TRDN: variants seen among roughly 807,000 people sequenced by gnomAD.
TRDN encodes triadin in skeletal muscle.
Under a neutral mutation model 149.7 loss-of-function variants are expected in TRDN, and 161 were observed. The ratio of observed to expected loss-of-function variants is 1.08; its 90% CI spans 0.95 to 1.23. The LOEUF (loss-of-function observed/expected upper bound fraction) is 1.23. Ranked by LOEUF, TRDN falls within the 50% of genes most tolerant of loss-of-function variation. TRDN has a pLI of 0.00. For missense variants in TRDN, 896 were observed against 823.5 expected (o/e 1.09, Z -1.08); for synonymous variants, 294 against 250.5 (o/e 1.17, Z -1.64).
chr6:123,282,876 A>G (rs1370790781), intron 24 of TRDN, among the ~76,000 whole-genome samples: 1 of 151,922 alleles, frequency 6.6e-6, no homozygotes, highest in African/African-American at 2.4e-5. Context: ...ACACATATAA[A>G]GATCTTCACT....
intron 24 of TRDN, among the ~76,000 whole-genome samples, chr6:123,279,440 T>C (rs1777501836): frequency 6.6e-6 from 1 of 152,120 alleles, no homozygotes; most frequent in Admixed American, 6.6e-5. Flanking sequence ...CTGTGGGCCA[T>C]TTTGTCAGCC....
At chr6:123,611,246 A>G (rs1304973493) in intron 1 of TRDN, among the ~76,000 whole-genome samples, 1 of 152,220 alleles carries the variant, frequency 6.6e-6, no homozygotes, top group Non-Finnish European at 1.5e-5. Context: ...TAAATCTGAT[A>G]AATGCAAATG....
intron 30 of TRDN, among the ~76,000 whole-genome samples, chr6:123,270,396 T>C (rs1777166848): frequency 6.6e-6 from 1 of 151,936 alleles, no homozygotes; most frequent in Non-Finnish European, 1.5e-5. Flanking sequence ...TAAATCCTTA[T>C]TATCTGATTA....
intron 19 of TRDN, among the ~76,000 whole-genome samples, chr6:123,368,165 G>T (rs150297503): frequency 2.0e-5 from 3 of 152,136 alleles, no homozygotes; most frequent in Non-Finnish European, 4.4e-5. Flanking sequence ...ATACCAAGGT[G>T]TATAGAAGTA....
At chr6:123,574,412 G>T (rs1271093653) in intron 1 of TRDN, among the ~76,000 whole-genome samples, 2 of 151,914 alleles carry the variant, frequency 1.3e-5, no homozygotes, top group Admixed American at 1.3e-4. Context: ...TCTTCTCATT[G>T]ATTATTGTGC....
intron 1 of TRDN, among the ~76,000 whole-genome samples, chr6:123,577,613 T>C (rs553239534): frequency 6.6e-6 from 1 of 152,256 alleles, no homozygotes; most frequent in South Asian, 2.1e-4. Flanking sequence ...TTTGCATGCA[T>C]GTGTCTTTAA....
rs148700952 is a variant in TRDN, at chr6:123,413,785, T to C, written c.1052-20108A>G. Among the ~76,000 whole-genome samples the C allele has an allele frequency of 7.6e-3, 1,163 of 152,202 alleles. 8 individuals are homozygous for C. Among genetic ancestry groups the C allele is most frequent in the Non-Finnish European group, 0.011 (733 of 67,960 alleles). On this transcript the variant is annotated intron_variant, in intron 12 of 40. Transcript: ENST00000334268. ...ATTATAACAGACATGTCAAAAACCA[T>C]TGACAAATCATGAATAGGCTTCTTA...
At chr6:123,219,068 T>C (rs938514634) in intron 40 of TRDN, among the ~76,000 whole-genome samples, 4 of 151,948 alleles carry the variant, frequency 2.6e-5, no homozygotes. Context: ...TAGACATCTG[T>C]TGATGTGCAT....
intron 19 of TRDN, among the ~76,000 whole-genome samples, chr6:123,372,275 T>C (rs1188892575): frequency 1.3e-5 from 2 of 152,172 alleles, no homozygotes; most frequent in Non-Finnish European, 2.9e-5. Context: ...AAATTCTGCA[T>C]ACAGATGTCT....
intron 12 of TRDN, among the ~76,000 whole-genome samples, chr6:123,419,899 C>T (rs1773824387): frequency 6.6e-6 from 1 of 152,156 alleles, no homozygotes. Flanking sequence ...CCTACATCAG[C>T]AGTAGAAATT....
intron 4 of TRDN, among the ~76,000 whole-genome samples, chr6:123,542,136 T>C (rs1414618493): frequency 6.6e-6 from 1 of 152,194 alleles, no homozygotes; most frequent in African/African-American, 2.4e-5. Flanking sequence ...ATAGGGGGAA[T>C]TGTAATTTGT....
At chr6:123,499,865 G>A (rs1042557352) in intron 8 of TRDN, among the ~76,000 whole-genome samples, 6 of 150,252 alleles carry the variant, frequency 4.0e-5, no homozygotes, top group African/African-American at 1.5e-4. Context: ...ACATTAGGTA[G>A]TATTGGTAAT....
rs73770167 is a variant in TRDN, at chr6:123,548,774, C to T, written c.233-162G>A. On this transcript the variant is annotated intron_variant, in intron 2 of 40. Coordinates refer to ENST00000334268, the MANE Select transcript of TRDN (RefSeq NM_006073.4). ...ACAATTTTTTGCGCAGAAATAGAAA[C>T]TTCATCTTGCTATAATATGCATGCA... Among the ~76,000 whole-genome samples the T allele has an allele frequency of 3.0e-3, 456 of 152,002 alleles. 1 individual carries two copies. Among genetic ancestry groups the T allele is most frequent in the African/African-American group, 0.011 (445 of 41,498 alleles).
At chr6:123,388,582 T>A in intron 13 of TRDN, 31 bp from the exon 14 acceptor site, 1 of 1,571,688 alleles carries the variant, frequency 6.4e-7, no homozygotes, top group Non-Finnish European at 8.6e-7. Flanking sequence ...TTAAGGCATA[T>A]GAAATGACCA....
At chr6:123,392,352 AAC>A (rs1234212406) in intron 13 of TRDN, among the ~76,000 whole-genome samples, 2 of 151,982 alleles carry the variant, frequency 1.3e-5, no homozygotes, top group East Asian at 1.9e-4. Flanking sequence ...TGAAGTAACT[AAC>A]ACAAAATTCT....
chr6:123,416,482 G>A (rs954438391), intron 12 of TRDN, among the ~76,000 whole-genome samples: 1 of 152,096 alleles, frequency 6.6e-6, no homozygotes, highest in African/African-American at 2.4e-5. Context: ...CCAAGTCTCT[G>A]TTCAGATAGC....
chr6:123,375,360 A>T (rs1477249666), intron 19 of TRDN, among the ~76,000 whole-genome samples: 1 of 152,140 alleles, frequency 6.6e-6, no homozygotes, highest in African/African-American at 2.4e-5. Flanking sequence ...TAAAAATGTA[A>T]CACTTCACAA....
intron 1 of TRDN, among the ~76,000 whole-genome samples, chr6:123,582,619 C>T (rs1443326942): frequency 6.6e-6 from 1 of 152,010 alleles, no homozygotes; most frequent in Non-Finnish European, 1.5e-5. Context: ...CAGGAACAGG[C>T]CATTTTCACT....
chr6:123,316,486 G>A lies in TRDN; in HGVS notation c.1481C>T (p.Thr494Ile). Reference protein sequence around the residue: ...PASLKEKEPETKKDEKMSKAG... With the variant: ...PASLKEKEPEIKKDEKMSKAG... ...TTTGGACATCTTTTCATCTTTTTTA[G>A]TTTCAGGTTCTGGGGCAAAACGTAC... is the stretch of plus-strand genomic sequence containing the variant. Residue 494 changes from threonine to isoleucine, a missense_variant, in exon 24 of 41, where the codon ACT becomes ATT. Coordinates refer to ENST00000334268, the MANE Select transcript of TRDN (RefSeq NM_006073.4). The A allele has an allele frequency of 6.2e-7, 1 of 1,610,040 alleles. No individual in the cohort carries two copies. Among genetic ancestry groups the A allele is most frequent in the Non-Finnish European group, 8.5e-7 (1 of 1,177,580 alleles).
Sources: gnomAD v4.1 joint callset for allele counts (sites outside exome capture counted in the v4.1 genomes callset) on GRCh38, gnomAD v4.1.1 for gene constraint, MANE v1.5 for transcripts, NCBI Gene and HGNC (gene_info 2026-07-23, HGNC 2026-07-21) for gene names.